The following ERG variants were observed in gnomAD, a reference collection of about 807,000 sequenced individuals.
The protein encoded by ERG is transcriptional regulator ERG.
ERG carries 9 observed loss-of-function variants against 55.3 expected under a neutral mutation model. That is an observed-to-expected ratio of 0.16 (90% CI 0.10 to 0.28). The LOEUF is 0.28. Ranked by LOEUF, ERG falls within the 10% of genes least tolerant of loss-of-function variation. The pLI, the probability that ERG is intolerant of heterozygous loss-of-function variation, is 1.00. For synonymous variants in ERG, 223 were observed against 237.3 expected (o/e 0.94, Z 0.55); for missense variants, 434 against 631.6 (o/e 0.69, Z 3.35).
chr21:38,533,227 G>C (rs552374936), intron 2 of ERG, among the ~76,000 whole-genome samples: 1 of 152,038 alleles, frequency 6.6e-6, no homozygotes, highest in South Asian at 2.1e-4. Flanking sequence ...GCTGACCTCT[G>C]ATGCACAACC....
chr21:38,653,708 C>T (rs1474609838), intron 1 of ERG, among the ~76,000 whole-genome samples: 1 of 152,172 alleles, frequency 6.6e-6, no homozygotes, highest in African/African-American at 2.4e-5. Flanking sequence ...CTGGCTTCTC[C>T]CACTAAATTT....
chr21:38,534,877 T>C lies in ERG; in HGVS notation c.-41+40785A>G, dbSNP rs73438135. Among the ~76,000 whole-genome samples the C allele has an allele frequency of 6.1e-3, 929 of 152,300 alleles. 14 individuals are homozygous for C. Among genetic ancestry groups the C allele is most frequent in the African/African-American group, 0.021 (853 of 41,564 alleles). On this transcript the variant is annotated intron_variant, in intron 2 of 8. Transcript: ENST00000398897. ...AATGTGGCATACAATAAAATGTCAT[T>C]CAGTCTTTAAAAAGAAGAAAATTTG...
intron 2 of ERG, among the ~76,000 whole-genome samples, chr21:38,426,009 AG>A (rs1989808740): frequency 2.0e-5 from 3 of 152,230 alleles, no homozygotes; most frequent in Admixed American, 1.3e-4. Context: ...GAGGGATCTT[AG>A]GTGTTGGCAG....
At chr21:38,550,217 G>C (rs1053289267) in intron 2 of ERG, among the ~76,000 whole-genome samples, 2 of 152,184 alleles carry the variant, frequency 1.3e-5, no homozygotes, top group Admixed American at 1.3e-4. Context: ...CAGGTAACAG[G>C]CTGGCCCTGA....
chr21:38,514,981 G>C (rs1001250765), intron 2 of ERG, among the ~76,000 whole-genome samples: 4 of 151,892 alleles, frequency 2.6e-5, no homozygotes, highest in African/African-American at 9.7e-5. Context: ...AAGTGATACT[G>C]TTTTCATTAG....
At chr21:38,613,853 C>T (rs1004284988) in intron 1 of ERG, among the ~76,000 whole-genome samples, 3 of 152,184 alleles carry the variant, frequency 2.0e-5, no homozygotes, top group Non-Finnish European at 2.9e-5. Context: ...CAGGCTGGGC[C>T]CCCCCTCTTC....
At chr21:38,377,250 A>G (rs1180056685), downstream of ERG, among the ~76,000 whole-genome samples, 1 of 152,244 alleles carries the variant, frequency 6.6e-6, no homozygotes, top group East Asian at 1.9e-4. Context: ...AGCAATTAGT[A>G]TTATTGTTTA....
chr21:38,508,173 A>C (rs545406015), intron 2 of ERG, among the ~76,000 whole-genome samples: 8 of 151,952 alleles, frequency 5.3e-5, no homozygotes, highest in African/African-American at 1.9e-4. Context: ...GCAGGAGGTC[A>C]TCTGCTCCCC....
chr21:38,573,073 C>G (rs1233760239), intron 2 of ERG, among the ~76,000 whole-genome samples: 1 of 152,228 alleles, frequency 6.6e-6, no homozygotes, highest in Non-Finnish European at 1.5e-5. Context: ...TGTAAGGGAT[C>G]TAGGGCTGTG....
chr21:38,402,955 G>A (rs944047071), intron 4 of ERG, among the ~76,000 whole-genome samples: 7 of 152,282 alleles, frequency 4.6e-5, no homozygotes, highest in Middle Eastern at 3.4e-3. Flanking sequence ...CATGCTGGAC[G>A]TTGTAGAAAT....
At chr21:38,466,440 T>C (rs2059091199) in intron 1 of ERG, among the ~76,000 whole-genome samples, 1 of 152,006 alleles carries the variant, frequency 6.6e-6, no homozygotes, top group South Asian at 2.1e-4. Context: ...CACACTGGAA[T>C]ATGATTTTAA....
rs546577854 is a variant in ERG, at chr21:38,573,178, C to T, written c.-41+2484G>A. Among the ~76,000 whole-genome samples the T allele has an allele frequency of 7.9e-5, 12 of 152,332 alleles. No homozygotes were observed. The South Asian group carries it at 8.3e-4, about 11-fold the overall frequency. ...AATAAACCAGGGGCACAATGCACTG[C>T]GGAAAGCCGCAGGGACCTCTGCCCT... On this transcript the variant is annotated intron_variant, in intron 2 of 8. Transcript: ENST00000398897.
At chr21:38,428,917 G>A (rs1464849992) in intron 2 of ERG, among the ~76,000 whole-genome samples, 1 of 151,982 alleles carries the variant, frequency 6.6e-6, no homozygotes, top group African/African-American at 2.4e-5. Context: ...AGTTTTGGGG[G>A]AACAGGTGGT....
In ERG at chr21:38,391,055, G is replaced by A; in HGVS notation, c.872-13C>T. The A allele has an allele frequency of 1.2e-6, 2 of 1,610,020 alleles. No homozygotes were observed. The highest frequency in any genetic ancestry group is 1.7e-6 in the Non-Finnish European group (2 of 1,176,742). ...ATCTGATAAGGATCTACAGCAAAAA[G>A]AAACAAAGTCAAATCCTAGACATAG... is the stretch of plus-strand genomic sequence containing the variant. On this transcript the variant is annotated splice_polypyrimidine_tract_variant and intron_variant, in intron 8 of 9. Transcript: ENST00000288319.
rs1987510540 is a variant in ERG, at chr21:38,382,822, A to G, written c.*581T>C. ...TTGGGTCATCTTCACAGTTTGAGAAAGCTGACAGCTGTCCATCAAACGGAA... is the reference window on the plus strand; with the variant it reads ...TTGGGTCATCTTCACAGTTTGAGAAGGCTGACAGCTGTCCATCAAACGGAA... On this transcript the variant is annotated 3_prime_UTR_variant, in exon 10 of 10. Transcript: ENST00000288319. 5 of 1,066,308 alleles carry G rather than the reference A, an allele frequency of 4.7e-6. No individual in the cohort carries two copies. The highest frequency in any genetic ancestry group is 5.7e-6 in the Non-Finnish European group (5 of 879,570). 66.1% of individuals were successfully genotyped at this position (1,066,308 alleles called of 1,614,324 possible).
Position 38,498,439 on chromosome 21 carries a change from G to T in ERG, c.-59C>A. ...TTAATAATAATTATTGCTTCTCTCT[G>T]ACCAGAAAGTAGTTTTGATGAGGTT... On this transcript the variant is annotated 5_prime_UTR_variant, in exon 1 of 10. Transcript: ENST00000288319. The surrounding 1 kb of genome is among the most constrained non-coding windows in gnomAD (Gnocchi z 4.6). 6.3e-7 allele frequency: 1 copy of T among 1,593,268 alleles called. No homozygotes were observed. The highest frequency in any genetic ancestry group is 1.2e-5 in the South Asian group (1 of 86,472).
intron 1 of ERG, among the ~76,000 whole-genome samples, chr21:38,625,583 A>G (rs2060319447): frequency 1.3e-5 from 2 of 152,190 alleles, no homozygotes; most frequent in Admixed American, 1.3e-4. Context: ...GCGAGCCTTA[A>G]ATTGCAGGAA....
At chr21:38,492,477 C>T (rs1041971906) in intron 1 of ERG, among the ~76,000 whole-genome samples, 2 of 152,208 alleles carry the variant, frequency 1.3e-5, no homozygotes, top group Non-Finnish European at 2.9e-5. Context: ...GATATCTTAA[C>T]TTCCTCTTTA....
chr21:38,564,926 C>G (rs545966816), intron 2 of ERG, among the ~76,000 whole-genome samples: 3 of 152,146 alleles, frequency 2.0e-5, no homozygotes, highest in Admixed American at 2.0e-4. Context: ...CTCACATGAC[C>G]TCTAGACTCA....
Sources: allele counts gnomAD v4.1 joint callset (sites outside exome capture counted in the v4.1 genomes callset), GRCh38; gene constraint gnomAD v4.1.1; non-coding constraint Gnocchi (gnomAD v3.1); transcripts MANE v1.5; gene names NCBI Gene and HGNC (gene_info 2026-07-23, HGNC 2026-07-21).